MOV10L1: variants seen among roughly 807,000 people sequenced by gnomAD.
MOV10L1 encodes RNA helicase Mov10l1.
A neutral mutation model predicts 143.8 loss-of-function variants in MOV10L1; 110 were observed. The ratio of observed to expected loss-of-function variants is 0.76; its 90% CI spans 0.66 to 0.90. The LOEUF is 0.90. Among genes scored for constraint, MOV10L1 ranks in the 40% least tolerant of loss-of-function variants. The pLI is 0.00. For missense variants in MOV10L1, 1,406 were observed against 1,526.8 expected (o/e 0.92, Z 1.32); for synonymous variants, 593 against 581.1 (o/e 1.02, Z -0.29).
chr22:50,150,192 C>T (rs572239342), intron 20 of MOV10L1, among the ~76,000 whole-genome samples: 11 of 152,336 alleles, frequency 7.2e-5, no homozygotes, highest in South Asian at 2.1e-4. Flanking sequence ...CTCATCCAGG[C>T]GAGCTCATCC....
At chr22:50,151,691 A>G (rs937734857) in intron 21 of MOV10L1, among the ~76,000 whole-genome samples, 1 of 152,216 alleles carries the variant, frequency 6.6e-6, no homozygotes, top group Admixed American at 6.5e-5. Flanking sequence ...GGTTCGCCTC[A>G]TCCTCCAGTG....
chr22:50,125,296 G>C (rs2062466345), intron 10 of MOV10L1, 96 bp from the exon 11 acceptor site: 1 of 1,282,682 alleles, frequency 7.8e-7, no homozygotes, highest in African/African-American at 1.5e-5. Context: ...GCCATCTGCT[G>C]AACTGGAGCT....
chr22:50,154,570 A>T (rs1310921665), intron 22 of MOV10L1, among the ~76,000 whole-genome samples: 1 of 152,024 alleles, frequency 6.6e-6, no homozygotes, highest in Non-Finnish European at 1.5e-5. Flanking sequence ...CCTGACTCTA[A>T]AAACTATATA....
rs989457121 is a variant in MOV10L1 at position 50,110,018 on chromosome 22, A to G, written c.743+1174A>G. Among the ~76,000 whole-genome samples, 20 of 151,566 alleles carry G rather than the reference A, an allele frequency of 1.3e-4. No homozygotes were observed. The South Asian group carries it at 1.5e-3, about 11-fold the overall frequency. On this transcript the variant is annotated intron_variant, in intron 5 of 26. Transcript: ENST00000262794. ...ACAAAAATTACCCGGTTGTGGTGGC[A>G]GGCACCTGTAATCCCAGCTACTTGG...
At chr22:50,117,388 C>A in intron 9 of MOV10L1, 37 bp downstream of exon 9, 1 of 1,599,910 alleles carries the variant, frequency 6.3e-7, no homozygotes, top group Non-Finnish European at 8.5e-7. Flanking sequence ...CTTGGTCTGG[C>A]AGTTTTATCT....
At chr22:50,149,761 C>A in intron 20 of MOV10L1, 47 bp downstream of exon 20, 1 of 1,530,956 alleles carries the variant, frequency 6.5e-7, no homozygotes, top group South Asian at 1.2e-5. Context: ...ACCCCGTTCT[C>A]CTGAGGGGAT....
Position 50,155,303 on chromosome 22 carries a change from C to G in MOV10L1, c.3066+2085C>G, listed in dbSNP as rs939979431. On this transcript the variant is annotated intron_variant, in intron 22 of 26. Transcript: ENST00000262794. ...TGAGACAGAGTTTTGCTCTTTCACC[C>G]CAGCTGGGGTGCAGTGGCGCCATCT... 9.3e-5 allele frequency among the ~76,000 whole-genome samples: 14 copies of G among 151,114 alleles called. No individual in the cohort carries two copies. The East Asian group carries it at 2.3e-3, about 25-fold the overall frequency.
chr22:50,141,974 A>C lies in MOV10L1; in HGVS notation c.2071-107A>C, dbSNP rs888262594. The C allele has an allele frequency of 3.0e-5, 22 of 737,390 alleles. No homozygotes were observed. The Admixed American group carries it at 7.7e-4, about 26-fold the overall frequency. 45.7% of individuals were successfully genotyped at this position (737,390 alleles called of 1,614,324 possible). ...CTGTGATCCATCCAAAGAGCTGTTA[A>C]ATAAATATACTAAGTAGAACACTAG... On this transcript the variant is annotated intron_variant, in intron 15 of 26. Transcript: ENST00000262794.
At chr22:50,142,441 A>G (rs893966599) in intron 16 of MOV10L1, among the ~76,000 whole-genome samples, 2 of 152,086 alleles carry the variant, frequency 1.3e-5, no homozygotes, top group Non-Finnish European at 2.9e-5. Flanking sequence ...TCCAGTCTCT[A>G]ATATTTGAGT....
intron 3 of MOV10L1, among the ~76,000 whole-genome samples, chr22:50,103,710 T>C (rs1313652189): frequency 1.3e-5 from 2 of 152,050 alleles, no homozygotes; most frequent in African/African-American, 4.8e-5. Flanking sequence ...CACAGGTTCT[T>C]ATTGTAGTCC....
At chr22:50,115,362 C>A in intron 8 of MOV10L1, 116 bp downstream of exon 8, 2 of 1,203,982 alleles carry the variant, frequency 1.7e-6, no homozygotes, top group Non-Finnish European at 2.2e-6. Context: ...ACCAGGAGTT[C>A]GAAACCAGCC....
At chr22:50,150,590 C>T in intron 20 of MOV10L1, 145 bp from the exon 21 acceptor site, 1 of 913,072 alleles carries the variant, frequency 1.1e-6, no homozygotes, top group East Asian at 2.7e-5. Flanking sequence ...TGTCGGCATT[C>T]CCTGGTCTCC....
intron 5 of MOV10L1, among the ~76,000 whole-genome samples, chr22:50,112,439 G>C (rs753399898): frequency 1.3e-5 from 2 of 152,236 alleles, no homozygotes; most frequent in Non-Finnish European, 2.9e-5. Context: ...ATCAGGCCCA[G>C]GAACCAGGGG....
At chr22:50,137,704 C>A (rs1160021200) in intron 15 of MOV10L1, among the ~76,000 whole-genome samples, 1 of 147,456 alleles carries the variant, frequency 6.8e-6, no homozygotes, top group Non-Finnish European at 1.5e-5. Context: ...GACTCTGTCT[C>A]AAAAAATACA....
chr22:50,147,059 G>A, intron 19 of MOV10L1: 1 of 1,553,842 alleles, frequency 6.4e-7, no homozygotes, highest in East Asian at 2.4e-5. Flanking sequence ...AAGGTCAAGA[G>A]CCGAAGAGCC....
At position 50,113,657 on chromosome 22, in the gene MOV10L1, C is replaced by T. The variant is rs2062083538; in HGVS notation, c.753C>T (p.Ala251=). 2 of 1,613,482 alleles carry T rather than the reference C, an allele frequency of 1.2e-6. No individual in the cohort carries two copies. Among genetic ancestry groups the T allele is most frequent in the African/African-American group, 1.3e-5 (1 of 74,858 alleles). ...GGGGCTCTTTTTTCAGAGACGCCGCCCCTGTTCATGAGGCCACTCATTTCT... is the reference window on the plus strand; with the variant it reads ...GGGGCTCTTTTTTCAGAGACGCCGCTCCTGTTCATGAGGCCACTCATTTCT... ...CMTLVKRRDA[A]PVHEATHFYG... is the part of the protein sequence containing the mutation. Residue 251 remains alanine, a synonymous_variant, in exon 6 of 27, where the codon GCC becomes GCT. Transcript: ENST00000262794.
chr22:50,110,911 A>G (rs574375924), intron 5 of MOV10L1, among the ~76,000 whole-genome samples: 39 of 151,972 alleles, frequency 2.6e-4, no homozygotes, highest in African/African-American at 9.2e-4. Flanking sequence ...AGCCTGGGTA[A>G]CAGAGCCAGA....
chr22:50,091,912 C>T, intron 1 of MOV10L1, 89 bp from the exon 2 acceptor site: 1 of 1,332,218 alleles, frequency 7.5e-7, no homozygotes, highest in Non-Finnish European at 1.0e-6. Flanking sequence ...AAAAAGGAGG[C>T]TTTTGCACTC....
chr22:50,125,779 TTTTG>T (rs765365450), intron 11 of MOV10L1, among the ~76,000 whole-genome samples: 9 of 141,894 alleles, frequency 6.3e-5, no homozygotes, highest in East Asian at 1.9e-4. Context: ...CCAGTAATGT[TTTTG>T]TTTGTTTGTT....
Sources: allele counts gnomAD v4.1 joint callset (sites outside exome capture counted in the v4.1 genomes callset), GRCh38; gene constraint gnomAD v4.1.1; transcripts MANE v1.5; gene names NCBI Gene and HGNC (gene_info 2026-07-23, HGNC 2026-07-21).